The following MXRA7 variants were observed in gnomAD, a reference collection of about 807,000 sequenced individuals.
MXRA7 encodes matrix remodeling associated 7.
A neutral mutation model predicts 17.4 loss-of-function variants in MXRA7; 18 were observed. The ratio of observed to expected loss-of-function variants is 1.03; its 90% CI spans 0.71 to 1.53. The LOEUF (loss-of-function observed/expected upper bound fraction) is 1.53, where lower values mean the gene tolerates loss of function less well. Among genes scored for constraint, MXRA7 ranks in the 40% most tolerant of loss-of-function variants. The pLI is 0.00. For synonymous variants in MXRA7, 70 were observed against 101.7 expected, an observed-to-expected ratio of 0.69 and a Z score of 1.87; for missense variants, 141 against 209.3, an observed-to-expected ratio of 0.67 and a Z score of 2.01.
intron 3 of MXRA7, chr17:76,684,518 G>A (rs2076359186): frequency 3.4e-6 from 1 of 292,968 alleles, no homozygotes; most frequent in East Asian, 1.1e-4. Context: ...AGGTGGCGGG[G>A]TGCCCAGTGG....
chr17:76,680,368 G>A lies in MXRA7; in HGVS notation c.*499C>T. 1.0e-6 allele frequency: 1 copy of A among 985,700 alleles called. No homozygotes were observed. Among genetic ancestry groups the A allele is most frequent in the Non-Finnish European group, 1.2e-6 (1 of 830,164 alleles). The allele number at this position is 985,700 out of a possible 1,614,324, so 61.1% of individuals were successfully genotyped here. On this transcript the variant is annotated 3_prime_UTR_variant, in exon 4 of 4. Coordinates refer to ENST00000449428, the MANE Select transcript of MXRA7 (RefSeq NM_198530.4). ...GCCACAGAGAGAAGTGGGGTTCCCA[G>A]GGAAAGGGGTCGGCTGACCACCCTG...
Position 76,683,978 on chromosome 17 carries a change from G to A in MXRA7, c.500+1094C>T, listed in dbSNP as rs2076349695. 4.2e-6 allele frequency: 6 copies of A among 1,417,668 alleles called. No homozygotes were observed. In the South Asian group the frequency reaches 6.9e-5, roughly 16 times the overall value. The allele number at this position is 1,417,668 out of a possible 1,614,324, so 87.8% of individuals were successfully genotyped here. A position where few individuals can be genotyped will look rare whatever the true frequency, so the allele number is the denominator to read the frequency against. On this transcript the variant is annotated intron_variant, in intron 3 of 3. Transcript: ENST00000449428. ...GTCATGCCAAGCGGCAGCATCCTCA[G>A]CACCTGAGGACTCGGGGCTCCTGCC...
intron 1 of MXRA7, among the ~76,000 whole-genome samples, chr17:76,697,479 G>A (rs543161737): frequency 1.3e-5 from 2 of 152,350 alleles, no homozygotes; most frequent in African/African-American, 4.8e-5. Flanking sequence ...CATGGAAACA[G>A]TGAATTGAGA....
At chr17:76,698,138 C>T (rs931503274) in intron 1 of MXRA7, among the ~76,000 whole-genome samples, 13 of 152,142 alleles carry the variant, frequency 8.5e-5, no homozygotes, top group African/African-American at 3.1e-4. Context: ...TAGAGGACAG[C>T]GGCTCCAGGA....
intron 1 of MXRA7, among the ~76,000 whole-genome samples, chr17:76,696,992 G>GTTCC (rs1264620673): frequency 6.6e-6 from 1 of 152,220 alleles, no homozygotes; most frequent in Non-Finnish European, 1.5e-5. Context: ...TCACCGCGGA[G>GTTCC]TTCCTGTCCA....
intron 3 of MXRA7, chr17:76,684,038 GCCCC>G: frequency 1.2e-6 from 1 of 852,644 alleles, no homozygotes; most frequent in Non-Finnish European, 2.0e-6. Flanking sequence ...TACACTGCCC[GCCCC>G]CCACCCACCC....
intron 2 of MXRA7, among the ~76,000 whole-genome samples, chr17:76,685,602 G>A (rs117229693): frequency 1.3e-5 from 2 of 152,220 alleles, no homozygotes; most frequent in Non-Finnish European, 2.9e-5. Context: ...CTGAAAACAC[G>A]CATCCAGGCA....
chr17:76,685,325 A>T (rs183625471), intron 2 of MXRA7, among the ~76,000 whole-genome samples, 160 bp from the exon 3 acceptor site: 93 of 152,280 alleles, frequency 6.1e-4, no homozygotes, highest in African/African-American at 2.2e-3. Flanking sequence ...CTCTCGTTCC[A>T]TAGCTTTCCC....
chr17:76,690,207 A>G (rs2076464475), intron 1 of MXRA7: 1 of 152,218 alleles, frequency 6.6e-6, no homozygotes, highest in East Asian at 1.9e-4. Context: ...GGCCCACGAG[A>G]AACTGTCAGC....
At chr17:76,708,921 G>A (rs1480342501) in intron 1 of MXRA7, among the ~76,000 whole-genome samples, 3 of 152,228 alleles carry the variant, frequency 2.0e-5, no homozygotes, top group South Asian at 4.2e-4. Flanking sequence ...TGCCTGGCAC[G>A]CGAACCCCCA....
chr17:76,700,877 GGAGA>G lies in MXRA7; in HGVS notation c.342+9724_342+9727del, dbSNP rs539715255. 4.2e-3 allele frequency among the ~76,000 whole-genome samples: 647 copies of G among 152,296 alleles called. 7 individuals carry two copies. Among genetic ancestry groups the G allele is most frequent in the South Asian group, 0.04 (193 of 4,824 alleles). ...GCTCACGGGGGCAAGGACATAGAGA[GGAGA>G]GAGGTGAGGACCGACTGCGCGGAGG... On this transcript the variant is annotated intron_variant, in intron 1 of 3. Transcript: ENST00000449428.
intron 1 of MXRA7, among the ~76,000 whole-genome samples, chr17:76,704,702 T>G (rs2076635912): frequency 6.7e-6 from 1 of 150,320 alleles, no homozygotes; most frequent in Non-Finnish European, 1.5e-5. Context: ...GGAATACTGC[T>G]TGAACCCAGG....
At chr17:76,686,244 C>T (rs1214000148) in intron 2 of MXRA7, among the ~76,000 whole-genome samples, 3 of 152,102 alleles carry the variant, frequency 2.0e-5, no homozygotes, top group Non-Finnish European at 4.4e-5. Context: ...CTTGGGAGGC[C>T]AAGGCAGGTG....
chr17:76,703,948 T>C (rs1236201528), intron 1 of MXRA7, among the ~76,000 whole-genome samples: 3 of 151,032 alleles, frequency 2.0e-5, no homozygotes, highest in Non-Finnish European at 4.4e-5. Context: ...GAAAACAGCA[T>C]CATAGCCGGG....
intron 3 of MXRA7, chr17:76,683,981 C>G (rs1598338384): frequency 2.2e-6 from 3 of 1,350,686 alleles, no homozygotes; most frequent in Non-Finnish European, 3.2e-6. Flanking sequence ...ATCCTCAGCA[C>G]CTGAGGACTC....
intron 1 of MXRA7, among the ~76,000 whole-genome samples, chr17:76,702,036 C>G (rs969448305): frequency 7.9e-5 from 12 of 152,188 alleles, no homozygotes; most frequent in African/African-American, 1.7e-4. Context: ...CAACCCCTAT[C>G]AGGGAATATC....
At chr17:76,703,894 A>C (rs957898657) in intron 1 of MXRA7, among the ~76,000 whole-genome samples, 4 of 151,866 alleles carry the variant, frequency 2.6e-5, no homozygotes, top group African/African-American at 9.7e-5. Context: ...TGGGCCATCA[A>C]ATCTCATGCA....
At chr17:76,702,883 A>ATATATATATATATATATATACG (rs2076610327) in intron 1 of MXRA7, among the ~76,000 whole-genome samples, 2 of 149,790 alleles carry the variant, frequency 1.3e-5, no homozygotes, top group South Asian at 4.2e-4. Context: ...GTATATATAT[A>ATATATATATATATATATATACG]TATATATCTT....
Position 76,710,914 on chromosome 17 carries a change from C to G in MXRA7, c.33G>C (p.Leu11=), listed in dbSNP as rs1162259790. The G allele has an allele frequency of 5.0e-6, 5 of 1,001,566 alleles. 1 individual carries two copies. In the South Asian group the frequency reaches 1.3e-4, roughly 25 times the overall value. 62.0% of individuals were successfully genotyped at this position (1,001,566 alleles called of 1,614,324 possible). Reference sequence around the variant, plus strand: ...GGGCCAGCGCGGTGGCCAGCGCAGGCAGCGCGGCCAGTAGCTCGGCCGGCG... The same window carrying G: ...GGGCCAGCGCGGTGGCCAGCGCAGGGAGCGCGGCCAGTAGCTCGGCCGGCG... The part of the protein sequence containing the change: MEAPAELLAA[L]PALATALALL... Residue 11 remains leucine, a synonymous_variant, in exon 1 of 4, where the codon CTG becomes CTC. Transcript: ENST00000449428.
Sources: allele counts gnomAD v4.1 joint callset (sites outside exome capture counted in the v4.1 genomes callset), GRCh38; gene constraint gnomAD v4.1.1; transcripts MANE v1.5; gene names NCBI Gene and HGNC (gene_info 2026-07-23, HGNC 2026-07-21).